CCNY: variants seen among roughly 807,000 people sequenced by gnomAD.
CCNY encodes cyclin-Y.
CCNY carries 19 observed loss-of-function variants against 42.8 expected under a neutral mutation model. The observed-to-expected ratio is 0.44, with a 90% CI of 0.31 to 0.65. The LOEUF (loss-of-function observed/expected upper bound fraction) is 0.65. CCNY is among the 30% of genes least tolerant of loss of function. The probability of loss-of-function intolerance (pLI) is 0.07; values close to 1 mark genes in which losing one functional copy is unlikely to be tolerated. For missense variants in CCNY, 370 were observed against 437.3 expected, an observed-to-expected ratio of 0.85 and a Z score of 1.37; for synonymous variants, 165 against 162.7, an observed-to-expected ratio of 1.01 and a Z score of -0.11.
At chr10:35,393,200 A>AT (rs1245744974) in intron 1 of CCNY, among the ~76,000 whole-genome samples, 1 of 152,034 alleles carries the variant, frequency 6.6e-6, no homozygotes, top group East Asian at 1.9e-4. Context: ...CGTCAGAGTA[A>AT]TTTTTTCTTT....
Position 35,304,310 on chromosome 10 carries a change from T to A in CCNY, c.-9+53684T>A, listed in dbSNP as rs560737202. Among the ~76,000 whole-genome samples, 70 of 51,240 alleles carry A rather than the reference T, an allele frequency of 1.4e-3. 11 individuals are homozygous for A. The highest frequency in any genetic ancestry group is 0.011 in the East Asian group (20 of 1,816). The allele number at this position is 51,240 out of a possible 152,430, so 33.6% of individuals were successfully genotyped here. On this transcript the variant is annotated intron_variant, in intron 3 of 11. Coordinates refer to the CCNY transcript ENST00000374706. ...TCTCCTTTTATTTTTTTTTTTTTTT[T>A]ATTTTTTATTTTTTTTTGAGACGGA... is the stretch of plus-strand genomic sequence containing the variant.
chr10:35,307,972 C>T (rs1835634028), intron 3 of CCNY, among the ~76,000 whole-genome samples: 1 of 151,474 alleles, frequency 6.6e-6, no homozygotes, highest in Non-Finnish European at 1.5e-5. Flanking sequence ...CGACCACCAT[C>T]ACGTCCAGCT....
intron 3 of CCNY, among the ~76,000 whole-genome samples, chr10:35,274,133 C>T (rs547999090): frequency 1.6e-4 from 24 of 152,246 alleles, no homozygotes; most frequent in Non-Finnish European, 3.1e-4. Context: ...CTGGGGAGGC[C>T]TCACAATCAT....
At chr10:35,471,939 G>A (rs1199143852) in intron 1 of CCNY, among the ~76,000 whole-genome samples, 1 of 152,194 alleles carries the variant, frequency 6.6e-6, no homozygotes, top group Non-Finnish European at 1.5e-5. Flanking sequence ...CTCTAAGTCA[G>A]GAGTATGCAA....
rs1836928976 is a variant in CCNY, at chr10:35,371,229, T to C, written c.154+34022T>C. 2.0e-5 allele frequency among the ~76,000 whole-genome samples: 3 copies of C among 152,134 alleles called. No homozygotes were observed. The South Asian group carries it at 6.2e-4, about 31-fold the overall frequency. ...CAGAAGCAACGTGATACCTGTGTAG[T>C]GGCTGACGGATGAGAGGTGACCTGG... is the stretch of plus-strand genomic sequence containing the variant. On this transcript the variant is annotated intron_variant, in intron 1 of 9. Transcript: ENST00000374704.
chr10:35,340,493 G>A (rs1836152925), intron 1 of CCNY, among the ~76,000 whole-genome samples: 1 of 151,488 alleles, frequency 6.6e-6, no homozygotes, highest in South Asian at 2.1e-4. Flanking sequence ...ATGGTTGATG[G>A]CAACTTCATT....
intron 1 of CCNY, among the ~76,000 whole-genome samples, chr10:35,451,507 A>G (rs1256133918): frequency 6.6e-6 from 1 of 152,232 alleles, no homozygotes; most frequent in Non-Finnish European, 1.5e-5. Context: ...CCTGAAGGCT[A>G]TGCTGAGTGA....
intron 1 of CCNY, among the ~76,000 whole-genome samples, chr10:35,373,463 G>C (rs575390060): frequency 4.6e-5 from 7 of 152,268 alleles, no homozygotes; most frequent in South Asian, 4.1e-4. Flanking sequence ...GGCAAGGATG[G>C]TGTACTTTAC....
chr10:35,528,936 C>G (rs2135421953), intron 5 of CCNY, among the ~76,000 whole-genome samples: 1 of 152,282 alleles, frequency 6.6e-6, no homozygotes, highest in Admixed American at 6.5e-5. Flanking sequence ...AAATTACATG[C>G]AGCTAGCCAA....
chr10:35,469,984 GTGGAGAGACAGACAGGGAGA>G (rs1334492468), intron 1 of CCNY, among the ~76,000 whole-genome samples: 1 of 136,160 alleles, frequency 7.3e-6, no homozygotes, highest in Non-Finnish European at 1.6e-5. Context: ...AGATAGGGCA[GTGGAGAGACAGACAGGGAGA>G]TGGAGAGACA....
chr10:35,403,347 A>G (rs1480182596), intron 1 of CCNY, among the ~76,000 whole-genome samples: 2 of 152,228 alleles, frequency 1.3e-5, no homozygotes, highest in Admixed American at 1.3e-4. Context: ...CCTTGGTCTA[A>G]GAACCATTTG....
intron 3 of CCNY, among the ~76,000 whole-genome samples, chr10:35,288,305 G>A (rs1475890748): frequency 6.6e-6 from 1 of 151,982 alleles, no homozygotes; most frequent in Non-Finnish European, 1.5e-5. Flanking sequence ...AATCTTTTCT[G>A]TAATGGCCAA....
At chr10:35,531,083 TCTTA>T (rs1377378622) in intron 7 of CCNY, among the ~76,000 whole-genome samples, 4 of 152,188 alleles carry the variant, frequency 2.6e-5, no homozygotes, top group Non-Finnish European at 5.9e-5. Context: ...GAAAAAGTAT[TCTTA>T]CTTGGATTCT....
At chr10:35,331,494 G>A (rs1331701719) in intron 3 of CCNY, among the ~76,000 whole-genome samples, 4 of 152,148 alleles carry the variant, frequency 2.6e-5, no homozygotes, top group Non-Finnish European at 5.9e-5. Context: ...AGAGACCCTG[G>A]CTGTCCCTGT....
chr10:35,452,586 C>G (rs569930261), intron 1 of CCNY, among the ~76,000 whole-genome samples: 13 of 152,184 alleles, frequency 8.5e-5, no homozygotes, highest in African/African-American at 3.1e-4. Flanking sequence ...CTTTTCCTTT[C>G]CCTCTAAGTG....
chr10:35,511,688 G>A (rs957730818), intron 3 of CCNY, among the ~76,000 whole-genome samples: 2 of 152,214 alleles, frequency 1.3e-5, no homozygotes, highest in Non-Finnish European at 2.9e-5. Context: ...GCAGTGCAGG[G>A]CTCTGAATGT....
intron 3 of CCNY, among the ~76,000 whole-genome samples, chr10:35,312,194 G>A (rs555799811): frequency 4.6e-5 from 7 of 151,812 alleles, no homozygotes; most frequent in South Asian, 2.1e-4. Context: ...TAGCTAACAC[G>A]GTGAAACCCT....
chr10:35,487,804 A>G (rs886433729), intron 2 of CCNY, among the ~76,000 whole-genome samples: 2 of 152,190 alleles, frequency 1.3e-5, no homozygotes, highest in Non-Finnish European at 2.9e-5. Flanking sequence ...GCCACTCAGC[A>G]GAGAAGGGAC....
intron 1 of CCNY, among the ~76,000 whole-genome samples, chr10:35,387,770 ATCT>A (rs1172409103): frequency 9.2e-5 from 14 of 152,238 alleles, no homozygotes; most frequent in African/African-American, 3.4e-4. Flanking sequence ...AGAATTAAGC[ATCT>A]TCTTCCTGAG....
Sources: gnomAD v4.1 joint callset for allele counts (sites outside exome capture counted in the v4.1 genomes callset) on GRCh38, gnomAD v4.1.1 for gene constraint, MANE v1.5 for transcripts, NCBI Gene and HGNC (gene_info 2026-07-23, HGNC 2026-07-21) for gene names.